WSCD1: variants seen among roughly 807,000 people sequenced by gnomAD.
WSCD1 encodes the protein WSC domain sialate O sulfotransferase 1.
A neutral mutation model predicts 60.4 loss-of-function variants in WSCD1; 41 were observed. The ratio of observed to expected loss-of-function variants is 0.68; its 90% CI spans 0.53 to 0.88. The LOEUF is 0.88. Among genes scored for constraint, WSCD1 ranks in the 40% least tolerant of loss-of-function variants. WSCD1 has a pLI of 0.00. For missense variants in WSCD1, 784 were observed against 796.2 expected (o/e 0.98, Z 0.18); for synonymous variants, 361 against 332.5 (o/e 1.09, Z -0.93).
At chr17:6,082,289 G>C (rs887076403) in intron 2 of WSCD1, among the ~76,000 whole-genome samples, 3 of 152,186 alleles carry the variant, frequency 2.0e-5, no homozygotes, top group Non-Finnish European at 2.9e-5. Context: ...ACTAGTGGGG[G>C]CGCGGGAAGT....
chr17:6,069,951 G>A (rs977064185), upstream of WSCD1, among the ~76,000 whole-genome samples: 41 of 152,080 alleles, frequency 2.7e-4, no homozygotes, highest in African/African-American at 9.6e-4. Context: ...GGGTGTCGGT[G>A]TCTCTGGGAA....
intron 5 of WSCD1, among the ~76,000 whole-genome samples, chr17:6,107,968 C>T (rs142417607): frequency 1.2e-3 from 187 of 152,254 alleles, no homozygotes; most frequent in African/African-American, 4.3e-3. Context: ...TGACTCACAG[C>T]GCAGGTGCCT....
At position 6,080,940 on chromosome 17, in the gene WSCD1, G is replaced by A; in HGVS notation, c.282G>A (p.Arg94=). ...GVDMLQSPLT[R]PRPGPRWLRS... ...ACATGCTGCAGAGCCCCCTGACCCG[G>A]CCCCGGCCCGGCCCCCGCTGGCTCC... The change falls in exon 2 of 9, where the codon CGG becomes CGA. Residue 94 remains arginine (R), a synonymous_variant. Transcript: ENST00000317744. This position sits in a 1 kb window ranked among gnomAD's most constrained non-coding sequence, Gnocchi z 6.6. 1 of 1,569,984 alleles carries A rather than the reference G, an allele frequency of 6.4e-7. No individual in the cohort carries two copies. Among genetic ancestry groups the A allele is most frequent in the Non-Finnish European group, 8.6e-7 (1 of 1,162,370 alleles).
intron 5 of WSCD1, among the ~76,000 whole-genome samples, chr17:6,103,501 G>A (rs965987246): frequency 3.3e-5 from 5 of 152,168 alleles, no homozygotes; most frequent in African/African-American, 9.7e-5. Context: ...TACCTGGGGT[G>A]GTTGGTGGGT....
intron 2 of WSCD1, among the ~76,000 whole-genome samples, chr17:6,085,343 A>T (rs1909561428): frequency 6.6e-6 from 1 of 152,232 alleles, no homozygotes; most frequent in Non-Finnish European, 1.5e-5. Flanking sequence ...TTCATTATTA[A>T]TAACAATATA....
At position 6,090,524 on chromosome 17, in the gene WSCD1, T is replaced by C. The variant is rs2150545165; in HGVS notation, c.727+19T>C. Reference sequence around the variant, plus strand: ...AGGAAGCGTGAGTGTGCCAGCCTCTTCCTGAGCTTTGTCCGTCTGTCCCAC... The same window carrying C: ...AGGAAGCGTGAGTGTGCCAGCCTCTCCCTGAGCTTTGTCCGTCTGTCCCAC... On this transcript the variant is annotated intron_variant, in intron 4 of 8. Transcript: ENST00000317744. The C allele has an allele frequency of 6.2e-7, 1 of 1,610,696 alleles. No homozygotes were observed. Among genetic ancestry groups the C allele is most frequent in the Non-Finnish European group, 8.5e-7 (1 of 1,178,734 alleles).
At chr17:6,096,834 CA>C (rs1019916220) in intron 5 of WSCD1, among the ~76,000 whole-genome samples, 3 of 152,328 alleles carry the variant, frequency 2.0e-5, no homozygotes, top group Non-Finnish European at 4.4e-5. Context: ...TGGTTGGAAT[CA>C]AAGGAACTCT....
At position 6,110,580 on chromosome 17, in the gene WSCD1, G is replaced by A. The variant is rs1316798467; in HGVS notation, c.1010-191G>A. Among the ~76,000 whole-genome samples the A allele has an allele frequency of 6.6e-6, 1 of 152,100 alleles. No individual in the cohort carries two copies. The highest frequency in any genetic ancestry group is 1.9e-4 in the East Asian group (1 of 5,182). On this transcript the variant is annotated intron_variant, in intron 6 of 8. Coordinates refer to ENST00000317744, the MANE Select transcript of WSCD1 (RefSeq NM_015253.2). This position sits in a 1 kb window ranked among gnomAD's most constrained non-coding sequence, Gnocchi z 4.8. The stretch of plus-strand genomic sequence containing the variant: ...TGCAGTATTGCAGGCCTCATTACGG[G>A]GCTTTCTCGGACTGGCCACAGACCT...
At position 6,101,582 on chromosome 17, in the gene WSCD1, A is replaced by G. The variant is rs963151564; in HGVS notation, c.849+6359A>G. Among the ~76,000 whole-genome samples, 2 of 152,172 alleles carry G rather than the reference A, an allele frequency of 1.3e-5. No individual in the cohort carries two copies. Among genetic ancestry groups the G allele is most frequent in the African/African-American group, 4.8e-5 (2 of 41,434 alleles). On this transcript the variant is annotated intron_variant, in intron 5 of 8. Coordinates refer to ENST00000317744, the MANE Select transcript of WSCD1 (RefSeq NM_015253.2). This position sits in a 1 kb window ranked among gnomAD's most constrained non-coding sequence, Gnocchi z 4.1. Reference sequence around the variant, plus strand: ...AGATCCAAGAGTGTAGTTTGACAGAAAAAGAACATTCCAGGTGATATCTGC... The same window carrying G: ...AGATCCAAGAGTGTAGTTTGACAGAGAAAGAACATTCCAGGTGATATCTGC...
chr17:6,096,194 G>C (rs1191130102), intron 5 of WSCD1, among the ~76,000 whole-genome samples: 1 of 152,188 alleles, frequency 6.6e-6, no homozygotes, highest in African/African-American at 2.4e-5. Flanking sequence ...TCCAGGTGAG[G>C]AAACTGAGGC....
intron 3 of WSCD1, among the ~76,000 whole-genome samples, chr17:6,089,727 C>A (rs1367115755): frequency 6.6e-6 from 1 of 152,210 alleles, no homozygotes; most frequent in African/African-American, 2.4e-5. Context: ...CTCCCTGTCG[C>A]ATACTGAGAA....
At position 6,120,799 on chromosome 17, in the gene WSCD1, C is replaced by T. The variant is rs1904646971; in HGVS notation, c.*138C>T. On this transcript the variant is annotated 3_prime_UTR_variant, in exon 9 of 9. Coordinates refer to ENST00000317744, the MANE Select transcript of WSCD1 (RefSeq NM_015253.2). ...GGGCTCACCCTGGTGCTGCCTCCCG[C>T]ACAAGGAGACCTGGACACAACAGAC... The T allele has an allele frequency of 4.7e-6, 4 of 849,782 alleles. No individual in the cohort carries two copies. Among genetic ancestry groups the T allele is most frequent in the South Asian group, 3.5e-5 (2 of 56,350 alleles). 52.6% of individuals were successfully genotyped at this position (849,782 alleles called of 1,614,324 possible). A position where few individuals can be genotyped will look rare whatever the true frequency, so the allele number is the denominator to read the frequency against.
At chr17:6,111,378 G>C (rs1911397892) in intron 7 of WSCD1, among the ~76,000 whole-genome samples, 1 of 152,148 alleles carries the variant, frequency 6.6e-6, no homozygotes, top group African/African-American at 2.4e-5. Context: ...CAGATGTGCA[G>C]ATATCAATGC....
chr17:6,105,431 AAGCATAGGGT>A (rs1241192029), intron 5 of WSCD1, among the ~76,000 whole-genome samples: 7 of 152,010 alleles, frequency 4.6e-5, no homozygotes, highest in Non-Finnish European at 4.4e-5. Context: ...TCTCTCACTG[AAGCATAGGGT>A]AGGGTGCGAG....
Position 6,118,052 on chromosome 17 carries a change from T to C in WSCD1, c.1239T>C (p.Ser413=), listed in dbSNP as rs1199863750. ...RRTICVKTHE[S]GRREIEMFDS... is the part of the protein sequence containing the mutation. Reference sequence around the variant, plus strand: ...CCATCTGTGTCAAAACCCACGAGAGTGGCAGGAGGGAGATTGAGATGTTTG... The same window carrying C: ...CCATCTGTGTCAAAACCCACGAGAGCGGCAGGAGGGAGATTGAGATGTTTG... The change falls in exon 8 of 9, where the codon AGT becomes AGC. Residue 413 remains serine, a synonymous_variant. Transcript: ENST00000317744. This position sits in a 1 kb window ranked among gnomAD's most constrained non-coding sequence, Gnocchi z 5.8. The C allele has an allele frequency of 6.2e-7, 1 of 1,613,598 alleles. No homozygotes were observed. Among genetic ancestry groups the C allele is most frequent in the South Asian group, 1.1e-5 (1 of 91,034 alleles).
intron 2 of WSCD1, among the ~76,000 whole-genome samples, chr17:6,086,345 A>G (rs1336435595): frequency 6.7e-6 from 1 of 149,730 alleles, no homozygotes; most frequent in Non-Finnish European, 1.5e-5. Context: ...TCATTCATAT[A>G]TATATATTCA....
At position 6,109,712 on chromosome 17, in the gene WSCD1, C is replaced by T; in HGVS notation, c.955C>T (p.Pro319Ser). 1.2e-6 allele frequency: 2 copies of T among 1,614,098 alleles called. No individual in the cohort carries two copies. The highest frequency in any genetic ancestry group is 1.7e-6 in the Non-Finnish European group (2 of 1,179,988). Residue 319 changes from proline (P) to serine (S), a missense_variant, in exon 6 of 9, where the codon CCT becomes TCT. Physicochemically the swap from Pro to Ser is moderately conservative, Grantham distance 74. Transcript: ENST00000317744. ...GGACAGCTCAGTATGTGGCCAGGAC[C>T]CTGAGGCACAGAGGCTGGCAGAATA... ...AMDSSVCGQD[P>S]EAQRLAEYCE...
At position 6,120,637 on chromosome 17, in the gene WSCD1, G is replaced by A. The variant is rs1361237668; in HGVS notation, c.1704G>A (p.Leu568=). ...QALRDHNWTG[L]PREYVPR ...TGCGTGACCACAACTGGACGGGGCT[G>A]CCCAGGGAGTATGTGCCCAGATGAT... The change falls in exon 9 of 9, where the codon CTG becomes CTA. Residue 568 remains leucine (L), a synonymous_variant. Transcript: ENST00000317744. 1 of 1,612,388 alleles carries A rather than the reference G, an allele frequency of 6.2e-7. No individual in the cohort carries two copies. The highest frequency in any genetic ancestry group is 8.5e-7 in the Non-Finnish European group (1 of 1,179,308).
At chr17:6,083,641 T>C (rs919176092) in intron 2 of WSCD1, among the ~76,000 whole-genome samples, 2 of 152,080 alleles carry the variant, frequency 1.3e-5, no homozygotes, top group East Asian at 1.9e-4. Flanking sequence ...TAGCCAGGCG[T>C]GGTGGCACGT....
Sources: allele counts gnomAD v4.1 joint callset (sites outside exome capture counted in the v4.1 genomes callset), GRCh38; gene constraint gnomAD v4.1.1; non-coding constraint Gnocchi (gnomAD v3.1); transcripts MANE v1.5; gene names NCBI Gene and HGNC (gene_info 2026-07-23, HGNC 2026-07-21).